STPG2: variants seen among roughly 807,000 people sequenced by gnomAD.
STPG2 encodes sperm tail PG-rich repeat containing 2.
A neutral mutation model predicts 54.2 loss-of-function variants in STPG2; 56 were observed. The ratio of observed to expected loss-of-function variants is 1.03; its 90% CI spans 0.83 to 1.29. The LOEUF (loss-of-function observed/expected upper bound fraction) is 1.29. STPG2 is among the 50% of genes most tolerant of loss of function. STPG2 has a pLI of 0.00. For synonymous variants in STPG2, 200 were observed against 181.8 expected (o/e 1.10, Z -0.81); for missense variants, 596 against 544.9 (o/e 1.09, Z -0.93).
intron 9 of STPG2, among the ~76,000 whole-genome samples, chr4:97,819,721 AATTTAAACC>A (rs1474945416): frequency 1.3e-5 from 2 of 152,024 alleles, no homozygotes; most frequent in Non-Finnish European, 2.9e-5. Flanking sequence ...TTTGCTGTAA[AATTTAAACC>A]ATTTAAACTA....
intron 3 of STPG2, among the ~76,000 whole-genome samples, chr4:98,117,852 A>G (rs1739566125): frequency 6.6e-6 from 1 of 152,034 alleles, no homozygotes; most frequent in South Asian, 2.1e-4. Context: ...AGTTCTTCAG[A>G]CATAGTTTGC....
intron 10 of STPG2, among the ~76,000 whole-genome samples, chr4:97,648,655 T>A (rs139758238): frequency 5.3e-4 from 81 of 152,276 alleles, no homozygotes; most frequent in African/African-American, 1.9e-3. Context: ...ATAATTTATG[T>A]TTTCTGAGGT....
intron 10 of STPG2, among the ~76,000 whole-genome samples, chr4:97,589,321 AAG>A (rs372539200): frequency 1.3e-5 from 2 of 152,136 alleles, no homozygotes; most frequent in African/African-American, 4.8e-5. Context: ...TTATATGGGA[AAG>A]CCATTATATA....
At chr4:97,735,876 G>C (rs151176370) in intron 9 of STPG2, among the ~76,000 whole-genome samples, 219 of 152,058 alleles carry the variant, frequency 1.4e-3, no homozygotes, top group African/African-American at 5.0e-3. Flanking sequence ...TTTAAAAATG[G>C]GCAAAGGACC....
chr4:97,634,089 CCTGT>C (rs1392399781), intron 10 of STPG2, among the ~76,000 whole-genome samples: 17 of 152,166 alleles, frequency 1.1e-4, no homozygotes, highest in Admixed American at 5.9e-4. Flanking sequence ...CTTAAATGTC[CCTGT>C]CTGACAGCTT....
chr4:97,620,249 A>T (rs564046985), intron 10 of STPG2, among the ~76,000 whole-genome samples: 1 of 152,198 alleles, frequency 6.6e-6, no homozygotes, highest in Non-Finnish European at 1.5e-5. Flanking sequence ...AGTCTTAATA[A>T]ATATTTTTGA....
At chr4:97,794,245 A>C (rs1036875014) in intron 9 of STPG2, among the ~76,000 whole-genome samples, 2 of 152,102 alleles carry the variant, frequency 1.3e-5, no homozygotes, top group African/African-American at 4.8e-5. Flanking sequence ...AGAATTTCAC[A>C]TTTTATTACA....
chr4:97,908,023 C>A (rs879998611), intron 8 of STPG2, among the ~76,000 whole-genome samples: 5 of 152,146 alleles, frequency 3.3e-5, no homozygotes, highest in East Asian at 3.8e-4. Flanking sequence ...CAAATGGGAT[C>A]TTATTAAACT....
intron 8 of STPG2, among the ~76,000 whole-genome samples, chr4:97,896,154 T>C (rs937136039): frequency 1.3e-5 from 2 of 151,748 alleles, no homozygotes; most frequent in Non-Finnish European, 3.0e-5. Flanking sequence ...TCAAGCTTTT[T>C]CTCCAAACAT....
At chr4:97,611,826 T>C (rs576509269) in intron 10 of STPG2, among the ~76,000 whole-genome samples, 1 of 151,830 alleles carries the variant, frequency 6.6e-6, no homozygotes, top group Non-Finnish European at 1.5e-5. Flanking sequence ...GGATTATAGT[T>C]ACATGCAAAA....
At chr4:97,566,705 A>C (rs887911357) in intron 10 of STPG2, among the ~76,000 whole-genome samples, 6 of 152,118 alleles carry the variant, frequency 3.9e-5, no homozygotes, top group African/African-American at 1.5e-4. Flanking sequence ...TGCAGCCATA[A>C]AAAATGATGA....
chr4:97,780,841 T>C (rs1578557508), intron 9 of STPG2, among the ~76,000 whole-genome samples: 1 of 151,884 alleles, frequency 6.6e-6, no homozygotes, highest in Admixed American at 6.5e-5. Flanking sequence ...ACTGGGTACA[T>C]AAGGAAATGA....
chr4:97,534,697 G>A (rs183762380), intron 4 of STPG2, among the ~76,000 whole-genome samples: 88 of 152,130 alleles, frequency 5.8e-4, no homozygotes, highest in African/African-American at 2.0e-3. Flanking sequence ...ACAAATGTAT[G>A]CAGTCATGTA....
At chr4:97,840,711 A>G in intron 9 of STPG2, 62 bp downstream of exon 9, 1 of 1,536,036 alleles carries the variant, frequency 6.5e-7, no homozygotes, top group Non-Finnish European at 8.8e-7. Flanking sequence ...GATTCTAGAT[A>G]TTTTAATATG....
At chr4:97,662,484 C>T (rs753543362) in intron 10 of STPG2, among the ~76,000 whole-genome samples, 1 of 152,138 alleles carries the variant, frequency 6.6e-6, no homozygotes, top group Non-Finnish European at 1.5e-5. Flanking sequence ...AGAGAATTAC[C>T]ATTCAACCCA....
chr4:97,910,464 C>T (rs1731634543), intron 8 of STPG2, among the ~76,000 whole-genome samples: 1 of 152,148 alleles, frequency 6.6e-6, no homozygotes, highest in Admixed American at 6.5e-5. Context: ...GTCCATGTTT[C>T]AAAAAGTCCA....
intron 9 of STPG2, among the ~76,000 whole-genome samples, chr4:97,727,762 T>A (rs1288220983): frequency 6.6e-6 from 1 of 151,752 alleles, no homozygotes; most frequent in African/African-American, 2.4e-5. Flanking sequence ...CTAGTGTTTG[T>A]GTAAATTAAT....
intron 4 of STPG2, among the ~76,000 whole-genome samples, chr4:97,516,115 G>C (rs1254117974): frequency 1.3e-5 from 2 of 152,038 alleles, no homozygotes; most frequent in Non-Finnish European, 2.9e-5. Flanking sequence ...TCTCCCTTTT[G>C]TTTTCCCTCA....
At chr4:97,516,156 A>T (rs1254694161) in intron 4 of STPG2, among the ~76,000 whole-genome samples, 1 of 152,110 alleles carries the variant, frequency 6.6e-6, no homozygotes, top group African/African-American at 2.4e-5. Context: ...AAAATCCTTG[A>T]GCTATGGAGC....
Sources: allele counts gnomAD v4.1 joint callset (sites outside exome capture counted in the v4.1 genomes callset), GRCh38; gene constraint gnomAD v4.1.1; transcripts MANE v1.5; gene names NCBI Gene and HGNC (gene_info 2026-07-23, HGNC 2026-07-21).